RAI2: variants seen among roughly 807,000 people sequenced by gnomAD.
The protein encoded by RAI2 is retinoic acid induced 2.
Under a neutral mutation model 15.3 loss-of-function variants are expected in RAI2, and 5 were observed. The observed-to-expected ratio is 0.33, with a 90% CI of 0.17 to 0.69. RAI2 has a LOEUF of 0.69. RAI2 is among the 30% of genes least tolerant of loss of function. RAI2 has a pLI of 0.69. For missense variants in RAI2, 424 were observed against 424.7 expected, an observed-to-expected ratio of 1.00 and a Z score of 0.01; for synonymous variants, 191 against 184.0, an observed-to-expected ratio of 1.04 and a Z score of -0.31.
intron 1 of RAI2, among the ~76,000 whole-genome samples, chrX:17,824,651 GTTAA>G (rs1860924597): frequency 8.9e-6 from 1 of 111,981 alleles, no homozygotes; most frequent in African/African-American, 3.2e-5. Context: ...CCCCTGTGTG[GTTAA>G]TTATGTGACC....
intron 1 of RAI2, among the ~76,000 whole-genome samples, chrX:17,827,692 G>A (rs2067242308): frequency 8.9e-6 from 1 of 112,235 alleles, no homozygotes; most frequent in South Asian, 3.7e-4. Flanking sequence ...TACTGCCACA[G>A]CACCAGCACC....
chrX:17,825,255 G>C (rs1261071003), intron 1 of RAI2, among the ~76,000 whole-genome samples: 1 of 113,071 alleles, frequency 8.8e-6, no homozygotes, highest in Non-Finnish European at 1.9e-5. Flanking sequence ...ATTTAAGCTT[G>C]TGCTAAACAG....
chrX:17,801,076 C>T lies in RAI2; in HGVS notation c.935G>A (p.Ser312Asn). 8.3e-7 allele frequency: 1 copy of T among 1,211,926 alleles called. No homozygotes were observed. Among genetic ancestry groups the T allele is most frequent in the Non-Finnish European group, 1.1e-6 (1 of 895,555 alleles). ...LSRHTVIKMG[S>N]ENEALDLSMK... ...GGAGAGATCCAGGGCCTCGTTCTCA[C>T]TTCCCATCTTAATGACCGTGTGGCG... The change falls in exon 2 of 2, where the codon AGT becomes AAT. Residue 312 changes from serine to asparagine, a missense_variant. Transcript: ENST00000451717.
chrX:17,847,726 G>A (rs1391242580), intron 1 of RAI2, among the ~76,000 whole-genome samples: 5 of 112,633 alleles, frequency 4.4e-5, no homozygotes, highest in African/African-American at 9.7e-5. Flanking sequence ...AGAAAGCAAC[G>A]AATTTGAAGG....
At chrX:17,840,925 TAAAC>T (rs2067389563) in intron 1 of RAI2, among the ~76,000 whole-genome samples, 1 of 111,935 alleles carries the variant, frequency 8.9e-6, no homozygotes, top group Non-Finnish European at 1.9e-5. Flanking sequence ...CCTAGGAAGA[TAAAC>T]AAAACAGGTT....
At chrX:17,849,793 AG>A (rs1433129413) in intron 1 of RAI2, among the ~76,000 whole-genome samples, 1 of 112,902 alleles carries the variant, frequency 8.9e-6, no homozygotes, top group African/African-American at 3.2e-5. Flanking sequence ...CAGGCCAGAA[AG>A]GTGGTATCCT....
chrX:17,837,487 G>A (rs2067347995), intron 1 of RAI2: 3 of 112,031 alleles, frequency 2.7e-5, no homozygotes, highest in Admixed American at 9.5e-5. Context: ...CCAAAACACA[G>A]CTCACAAATC....
intron 1 of RAI2, among the ~76,000 whole-genome samples, chrX:17,853,024 T>A (rs1262545478): frequency 9.6e-6 from 1 of 104,317 alleles, no homozygotes; most frequent in African/African-American, 3.5e-5. Context: ...GGGCTTAAGA[T>A]GCTACCGGAG....
chrX:17,856,680 G>A (rs980572865), intron 1 of RAI2, among the ~76,000 whole-genome samples: 5 of 112,776 alleles, frequency 4.4e-5, no homozygotes, highest in Non-Finnish European at 9.4e-5. Flanking sequence ...TATGATCATG[G>A]CTCAAGACAT....
chrX:17,856,471 G>C (rs765910620), intron 1 of RAI2, among the ~76,000 whole-genome samples: 5 of 112,093 alleles, frequency 4.5e-5, no homozygotes, highest in African/African-American at 1.6e-4. Context: ...TCTGAACCAG[G>C]AAAAAAGCCC....
At chrX:17,831,219 G>C (rs1215749269) in intron 1 of RAI2, among the ~76,000 whole-genome samples, 1 of 111,787 alleles carries the variant, frequency 8.9e-6, no homozygotes, top group African/African-American at 3.3e-5. Flanking sequence ...TATTGGATCT[G>C]TGTGATAGCT....
intron 1 of RAI2, among the ~76,000 whole-genome samples, chrX:17,849,849 A>T (rs939172318): frequency 8.9e-6 from 1 of 112,582 alleles, no homozygotes; most frequent in Admixed American, 9.3e-5. Context: ...CAATTCTTGA[A>T]ACCAGAAAGC....
chrX:17,837,699 G>C (rs1366747686), intron 1 of RAI2: 1 of 112,487 alleles, frequency 8.9e-6, no homozygotes, highest in Non-Finnish European at 1.9e-5. Context: ...CAGGCCTTAT[G>C]CAAGTTGACT....
intron 1 of RAI2, among the ~76,000 whole-genome samples, chrX:17,847,261 T>C (rs757211292): frequency 2.7e-5 from 3 of 112,273 alleles, no homozygotes; most frequent in Non-Finnish European, 3.8e-5. Context: ...TCTACTTCGG[T>C]TCTTCCTTGC....
intron 1 of RAI2, among the ~76,000 whole-genome samples, chrX:17,816,347 A>G (rs1601910548): frequency 8.9e-6 from 1 of 111,862 alleles, no homozygotes; most frequent in East Asian, 2.8e-4. Context: ...AACATGCACA[A>G]CGTTCACTGC....
intron 1 of RAI2, among the ~76,000 whole-genome samples, chrX:17,811,619 A>G (rs2067050624): frequency 8.9e-6 from 1 of 112,356 alleles, no homozygotes; most frequent in African/African-American, 3.2e-5. Flanking sequence ...TTTTCCAGAG[A>G]CCAGTGTGCC....
chrX:17,852,038 C>T (rs2067541776), intron 1 of RAI2, among the ~76,000 whole-genome samples: 1 of 112,054 alleles, frequency 8.9e-6, no homozygotes. Flanking sequence ...CACCACGAAA[C>T]TGGCCTCCAA....
intron 1 of RAI2, among the ~76,000 whole-genome samples, chrX:17,854,181 C>T (rs1478560445): frequency 8.9e-6 from 1 of 112,054 alleles, no homozygotes; most frequent in Non-Finnish European, 1.9e-5. Flanking sequence ...AAACATGCAG[C>T]CCATTCTCTT....
chrX:17,853,697 A>AT (rs1334713790), intron 1 of RAI2, among the ~76,000 whole-genome samples: 3 of 111,044 alleles, frequency 2.7e-5, no homozygotes, highest in African/African-American at 9.9e-5. Flanking sequence ...AAAGGATCCC[A>AT]TTTTTTTCAA....
Sources: allele counts gnomAD v4.1 joint callset (sites outside exome capture counted in the v4.1 genomes callset), GRCh38; gene constraint gnomAD v4.1.1; transcripts MANE v1.5; gene names NCBI Gene and HGNC (gene_info 2026-07-23, HGNC 2026-07-21).